Variants in EML2 observed in about 807,000 individuals in gnomAD.
EML2 encodes EMAP like 2.
A neutral mutation model predicts 84.7 loss-of-function variants in EML2; 59 were observed. The observed-to-expected ratio is 0.70, with a 90% confidence interval of 0.56 to 0.86. The LOEUF is 0.86. Among genes scored for constraint, EML2 ranks in the 40% least tolerant of loss-of-function variants. EML2 has a pLI of 0.00. For missense variants in EML2, 818 were observed against 855.6 expected (o/e 0.96, Z 0.55); for synonymous variants, 352 against 348.9 (o/e 1.01, Z -0.10).
rs1048950200 is a variant in EML2 at position 45,634,412 on chromosome 19, A to G, written c.239T>C (p.Ile80Thr). 3.7e-6 allele frequency: 6 copies of G among 1,614,002 alleles called. No individual in the cohort carries two copies. Among genetic ancestry groups the G allele is most frequent in the South Asian group, 1.1e-5 (1 of 91,076 alleles). The change falls in exon 4 of 19, where the codon ATA becomes ACA. Residue 80 changes from isoleucine to threonine, a missense_variant. Ile to Thr is a moderately conservative substitution (Grantham distance 89, BLOSUM62 -1). Transcript: ENST00000245925. ...ANLYLLPTGE[I>T]VYFVASVAVL... ...GGCTACGGAGGCCACAAAGTACACT[A>G]TCTCCCCGGTGGGCAGCAAATAAAG...
intron 6 of EML2, among the ~76,000 whole-genome samples, chr19:45,630,632 G>C (rs1193070079): frequency 1.3e-5 from 2 of 151,166 alleles, no homozygotes; most frequent in Non-Finnish European, 2.9e-5. Flanking sequence ...ATTAGAAGCT[G>C]TGAAGACATC....
intron 7 of EML2, among the ~76,000 whole-genome samples, chr19:45,628,232 G>T (rs1341134371): frequency 6.6e-6 from 1 of 151,556 alleles, no homozygotes; most frequent in Non-Finnish European, 1.5e-5. Flanking sequence ...ATTAGGCGTG[G>T]TGGTGCGCAC....
intron 7 of EML2, among the ~76,000 whole-genome samples, chr19:45,628,487 C>A (rs1568465696): frequency 6.6e-6 from 1 of 152,104 alleles, no homozygotes; most frequent in East Asian, 1.9e-4. Flanking sequence ...AGCACAGCCT[C>A]CGCACCATTT....
chr19:45,643,992 C>T (rs982384918), upstream of EML2, among the ~76,000 whole-genome samples: 6 of 152,216 alleles, frequency 3.9e-5, no homozygotes, highest in African/African-American at 1.4e-4. Flanking sequence ...CGCCAAAGAT[C>T]ACTCAGCCCG....
At chr19:45,612,986 C>A (rs1004283658) in intron 18 of EML2, among the ~76,000 whole-genome samples, 6 of 152,094 alleles carry the variant, frequency 3.9e-5, no homozygotes, top group African/African-American at 1.4e-4. Context: ...CAGCCTCAAC[C>A]TCCTGGGCTC....
rs545011412 is a variant in EML2, at chr19:45,613,719, G to A, written c.1694-48C>T. On this transcript the variant is annotated intron_variant, in intron 17 of 18. Coordinates refer to ENST00000245925, the MANE Select transcript of EML2 (RefSeq NM_012155.4). ...TGGTAAGATGTCAGCTGGAGCCAGG[G>A]ACCGCCAAGAGGAGCAGATTGCCAC... is the stretch of plus-strand genomic sequence containing the variant. The A allele has an allele frequency of 3.8e-6, 6 of 1,594,910 alleles. No individual in the cohort carries two copies. The East Asian group carries it at 6.7e-5, about 18-fold the overall frequency.
chr19:45,616,577 G>T lies in EML2; in HGVS notation c.1412-19C>A, dbSNP rs1452631626. On this transcript the variant is annotated intron_variant, in intron 14 of 18. Coordinates refer to ENST00000245925, the MANE Select transcript of EML2 (RefSeq NM_012155.4). Reference sequence around the variant, plus strand: ...GCCCCGTCTGGGGGAGGGGGAGGGGGGCTATGAGGAGGCACCCAGGCTCCA... The same window carrying T: ...GCCCCGTCTGGGGGAGGGGGAGGGGTGCTATGAGGAGGCACCCAGGCTCCA... 1 of 1,595,172 alleles carries T rather than the reference G, an allele frequency of 6.3e-7. No individual in the cohort carries two copies. Among genetic ancestry groups the T allele is most frequent in the Non-Finnish European group, 8.6e-7 (1 of 1,164,742 alleles).
At position 45,638,638 on chromosome 19, in the gene EML2, C is replaced by A. The variant is rs1258353842; in HGVS notation, c.50-4G>T. The A allele has an allele frequency of 1.2e-6, 2 of 1,613,458 alleles. No homozygotes were observed. The highest frequency in any genetic ancestry group is 1.1e-5 in the South Asian group (1 of 91,060). ...AACATTTTCACGGAGCCATCCTCTG[C>A]CAGGACACCCCCAGAGGTCAGGCAC... is the stretch of plus-strand genomic sequence containing the variant. On this transcript the variant is annotated splice_region_variant and splice_polypyrimidine_tract_variant and intron_variant, in intron 2 of 18. Coordinates refer to ENST00000245925, the MANE Select transcript of EML2 (RefSeq NM_012155.4).
At chr19:45,627,707 C>A (rs1278207922) in intron 7 of EML2, among the ~76,000 whole-genome samples, 1 of 152,222 alleles carries the variant, frequency 6.6e-6, no homozygotes, top group Non-Finnish European at 1.5e-5. Context: ...TCATTAGCTC[C>A]TTTAATCCTC....
At chr19:45,614,117 G>A (rs1257411950) in intron 17 of EML2, among the ~76,000 whole-genome samples, 1 of 152,162 alleles carries the variant, frequency 6.6e-6, no homozygotes, top group Non-Finnish European at 1.5e-5. Context: ...TAGCTCAGAT[G>A]TCTCTTCCTC....
At chr19:45,619,693 A>T (rs1285553869) in intron 11 of EML2, among the ~76,000 whole-genome samples, 2 of 152,160 alleles carry the variant, frequency 1.3e-5, no homozygotes. Context: ...CCTCAGTTTG[A>T]TCGCCTGTAA....
chr19:45,609,590 T>G lies in EML2; in HGVS notation c.*73A>C. 6.7e-7 allele frequency: 1 copy of G among 1,500,912 alleles called. No homozygotes were observed. 93.0% of individuals were successfully genotyped at this position (1,500,912 alleles called of 1,614,324 possible). A position where few individuals can be genotyped will look rare whatever the true frequency, so the allele number is the denominator to read the frequency against. On this transcript the variant is annotated 3_prime_UTR_variant, in exon 19 of 19. Transcript: ENST00000245925. The stretch of plus-strand genomic sequence containing the variant: ...GCTATAGACATACTCTGGGTATATA[T>G]TACTCTACTCGGCAATAGACATCTC...
chr19:45,641,884 G>A (rs1434316015), upstream of EML2: 1 of 1,461,016 alleles, frequency 6.8e-7, no homozygotes, highest in South Asian at 1.4e-5. Flanking sequence ...ACGAGGTCTT[G>A]GAAGAGGCTG....
At chr19:45,611,984 G>T (rs563349157) in intron 18 of EML2, among the ~76,000 whole-genome samples, 1 of 152,076 alleles carries the variant, frequency 6.6e-6, no homozygotes, top group Admixed American at 6.5e-5. Flanking sequence ...CAATTCTCCC[G>T]CCTCACCTTC....
intron 16 of EML2, chr19:45,614,923 TG>T: frequency 2.2e-6 from 1 of 463,646 alleles, no homozygotes; most frequent in South Asian, 2.2e-5. Context: ...TGGCCGGGCA[TG>T]GTGGCTCACG....
At chr19:45,615,780 C>T (rs200067167) in intron 16 of EML2, 22 bp downstream of exon 16, 2 of 1,603,744 alleles carry the variant, frequency 1.2e-6, no homozygotes, top group African/African-American at 2.7e-5. Flanking sequence ...GAAGTAATGT[C>T]TCTGGGTCCC....
At chr19:45,614,195 A>G (rs1970781379) in intron 17 of EML2, among the ~76,000 whole-genome samples, 1 of 152,060 alleles carries the variant, frequency 6.6e-6, no homozygotes, top group South Asian at 2.1e-4. Context: ...CCTGTCTCAG[A>G]CCTGCTCACT....
intron 6 of EML2, among the ~76,000 whole-genome samples, chr19:45,631,819 C>T (rs1286458341): frequency 6.6e-6 from 1 of 151,934 alleles, no homozygotes; most frequent in African/African-American, 2.4e-5. Context: ...AATCCTCCCA[C>T]CTCAACCTCC....
At chr19:45,642,362 G>C (rs1280431677), upstream of EML2, 3 of 1,527,260 alleles carry the variant, frequency 2.0e-6, no homozygotes, top group African/African-American at 2.7e-5. Context: ...TCTGGAAGAC[G>C]GGGGAGTGCC....
Sources: allele counts gnomAD v4.1 joint callset (sites outside exome capture counted in the v4.1 genomes callset), GRCh38; gene constraint gnomAD v4.1.1; transcripts MANE v1.5; gene names NCBI Gene and HGNC (gene_info 2026-07-23, HGNC 2026-07-21).